The following PDE1C variants were observed in gnomAD, a reference collection of about 807,000 sequenced individuals.
The protein encoded by PDE1C is dual specificity calcium/calmodulin-dependent 3',5'-cyclic nucleotide phosphodiesterase 1C.
Under a neutral mutation model 93.1 loss-of-function variants are expected in PDE1C, and 62 were observed. The observed-to-expected ratio is 0.67, with a 90% CI of 0.54 to 0.82. PDE1C has a LOEUF of 0.82. Ranked by LOEUF, PDE1C falls within the 40% of genes least tolerant of loss-of-function variation. The pLI is 0.00. For synonymous variants in PDE1C, 325 were observed against 310.1 expected (o/e 1.05, Z -0.50); for missense variants, 742 against 884.6 (o/e 0.84, Z 2.04).
chr7:31,753,235 A>G lies in PDE1C; in HGVS notation c.*149T>C. ...AACAACAAAGAGGAAAATCACATAC[A>G]ACTTTCATTTCACCTTGGTGGAGTC... On this transcript the variant is annotated 3_prime_UTR_variant, in exon 18 of 18. Transcript: ENST00000396191. The G allele has an allele frequency of 1.0e-6, 1 of 959,444 alleles. No individual in the cohort carries two copies. The highest frequency in any genetic ancestry group is 2.1e-5 in the South Asian group (1 of 48,156). 59.4% of individuals were successfully genotyped at this position (959,444 alleles called of 1,614,324 possible). A position where few individuals can be genotyped will look rare whatever the true frequency, so the allele number is the denominator to read the frequency against.
At chr7:31,627,317 A>G in the PDE1C span, among the ~76,000 whole-genome samples, 2 of 152,218 alleles carry the variant, frequency 1.3e-5, no homozygotes, top group Non-Finnish European at 2.9e-5. Context: ...GGGGATGCAA[A>G]CAAAAAAGAG....
intron 3 of PDE1C, among the ~76,000 whole-genome samples, chr7:32,152,337 C>T (rs895647862): frequency 2.0e-5 from 3 of 152,286 alleles, no homozygotes; most frequent in South Asian, 2.1e-4. Context: ...GGATCCCTGC[C>T]AGGAGCAGAA....
the PDE1C span, among the ~76,000 whole-genome samples, chr7:31,620,574 A>C: frequency 1.3e-5 from 2 of 151,316 alleles, no homozygotes; most frequent in Non-Finnish European, 3.0e-5. Flanking sequence ...GAAAACTAAC[A>C]AACAGAAAGG....
intron 2 of PDE1C, among the ~76,000 whole-genome samples, chr7:32,189,246 T>C (rs1804074220): frequency 6.6e-6 from 1 of 152,204 alleles, no homozygotes; most frequent in Admixed American, 6.5e-5. Flanking sequence ...TTGAAGAACT[T>C]CAACAGCATT....
intron 1 of PDE1C, among the ~76,000 whole-genome samples, chr7:32,217,597 G>T (rs1204905183): frequency 6.6e-6 from 1 of 152,192 alleles, no homozygotes; most frequent in Non-Finnish European, 1.5e-5. Context: ...CCAAGACTGA[G>T]CTTAGCAAGA....
chr7:31,653,193 C>G, the PDE1C span: 1 of 206,506 alleles, frequency 4.8e-6, no homozygotes, highest in African/African-American at 2.3e-5. Context: ...GATACACACC[C>G]AGAAGACAGG....
rs778376548 is a variant in PDE1C at position 31,879,013 on chromosome 7, A to T, written c.408T>A (p.Ala136=). The T allele has an allele frequency of 2.4e-5, 39 of 1,614,098 alleles. No individual in the cohort carries two copies. The South Asian group carries it at 4.1e-4, about 17-fold the overall frequency. ...ATCTTTACCTCTCCACAAATATCCC[A>T]GCCTGCACTGCGTGAACGATGCTCT... ...RFKSIVHAVQ[A]GIFVERMYRR... Residue 136 remains alanine, a synonymous_variant, in exon 4 of 18, where the codon GCT becomes GCA. Coordinates refer to ENST00000396191, the MANE Select transcript of PDE1C (RefSeq NM_001191057.4).
the PDE1C span, among the ~76,000 whole-genome samples, chr7:31,712,135 A>G: frequency 9.2e-4 from 140 of 152,320 alleles, no homozygotes; most frequent in Non-Finnish European, 1.6e-3. Context: ...GTGATCATCC[A>G]TTTGTATAAC....
At chr7:31,957,379 A>C (rs184569930) in intron 2 of PDE1C, among the ~76,000 whole-genome samples, 2 of 152,086 alleles carry the variant, frequency 1.3e-5, no homozygotes, top group African/African-American at 4.8e-5. Context: ...AACAGTTTCC[A>C]TGTAGTCCTT....
intron 2 of PDE1C, among the ~76,000 whole-genome samples, chr7:32,189,909 C>T (rs759225950): frequency 3.3e-5 from 5 of 152,292 alleles, no homozygotes; most frequent in Middle Eastern, 3.4e-3. Flanking sequence ...CCAGAATGTC[C>T]TTTCAAGGTT....
intron 3 of PDE1C, among the ~76,000 whole-genome samples, chr7:32,118,513 C>T (rs1206778867): frequency 2.0e-5 from 3 of 152,098 alleles, no homozygotes; most frequent in East Asian, 1.9e-4. Flanking sequence ...AGTCTTGTTC[C>T]TGCTGCTACA....
the PDE1C span, among the ~76,000 whole-genome samples, chr7:31,710,862 C>T: frequency 6.6e-6 from 1 of 152,172 alleles, no homozygotes; most frequent in African/African-American, 2.4e-5. Context: ...GAATTCAGAA[C>T]ATTATAATGG....
intron 2 of PDE1C, among the ~76,000 whole-genome samples, chr7:32,034,456 C>T (rs1790770128): frequency 6.6e-6 from 1 of 152,130 alleles, no homozygotes; most frequent in African/African-American, 2.4e-5. Context: ...TTCCCCTTAG[C>T]AGTGAAAAAA....
chr7:31,734,546 A>G, the PDE1C span, among the ~76,000 whole-genome samples: 1 of 152,236 alleles, frequency 6.6e-6, no homozygotes, highest in Non-Finnish European at 1.5e-5. Context: ...GTCAGACTCC[A>G]TGTGAACTAG....
chr7:31,740,902 C>G, the PDE1C span, among the ~76,000 whole-genome samples: 4 of 151,874 alleles, frequency 2.6e-5, no homozygotes, highest in Non-Finnish European at 5.9e-5. Flanking sequence ...GACCCTGTCT[C>G]TACAAAAAAC....
intron 1 of PDE1C, among the ~76,000 whole-genome samples, chr7:32,294,711 A>G (rs1812529072): frequency 6.6e-6 from 1 of 152,252 alleles, no homozygotes; most frequent in African/African-American, 2.4e-5. Context: ...TCCAAACTCC[A>G]GAAGGAAAGT....
chr7:31,744,672 C>CTTA, the PDE1C span, among the ~76,000 whole-genome samples: 1 of 152,172 alleles, frequency 6.6e-6, no homozygotes, highest in Non-Finnish European at 1.5e-5. Flanking sequence ...TTGTATGTGG[C>CTTA]TTATTAACAT....
intron 3 of PDE1C, among the ~76,000 whole-genome samples, chr7:32,096,338 G>A (rs142952488): frequency 4.5e-4 from 69 of 152,290 alleles, no homozygotes; most frequent in Non-Finnish European, 8.7e-4. Flanking sequence ...TAAAGCCCAC[G>A]TCAGAGGGTG....
intron 3 of PDE1C, among the ~76,000 whole-genome samples, chr7:32,162,229 T>C (rs1801968436): frequency 6.6e-6 from 1 of 152,122 alleles, no homozygotes; most frequent in South Asian, 2.1e-4. Flanking sequence ...TGCCCCATGT[T>C]CCCTCCCACT....
Sources: allele counts gnomAD v4.1 joint callset (sites outside exome capture counted in the v4.1 genomes callset), GRCh38; gene constraint gnomAD v4.1.1; transcripts MANE v1.5; gene names NCBI Gene and HGNC (gene_info 2026-07-23, HGNC 2026-07-21).